The following XCR1 variants were observed in gnomAD, a reference collection of about 807,000 sequenced individuals.
XCR1 encodes chemokine XC receptor 1.
For missense variants in XCR1, 356 were observed against 424.2 expected (o/e 0.84, Z 1.41); for synonymous variants, 187 against 188.5 (o/e 0.99, Z 0.06).
intron 1 of XCR1, among the ~76,000 whole-genome samples, chr3:46,081,714 T>C (rs1698368381): frequency 6.6e-6 from 1 of 151,314 alleles, no homozygotes; most frequent in South Asian, 2.1e-4. Context: ...TTTAAAAATC[T>C]TATTCTAGAT....
At chr3:46,059,570 G>T (rs1697922698) in intron 4 of XCR1, among the ~76,000 whole-genome samples, 1 of 152,010 alleles carries the variant, frequency 6.6e-6, no homozygotes, top group South Asian at 2.1e-4. Flanking sequence ...TAATTTCAGT[G>T]ACAATGATGT....
chr3:46,070,409 T>C (rs1270889062), intron 3 of XCR1, among the ~76,000 whole-genome samples: 1 of 152,106 alleles, frequency 6.6e-6, no homozygotes, highest in Non-Finnish European at 1.5e-5. Context: ...TATTGTGTTA[T>C]TGTCCATCTC....
At chr3:46,049,840 G>C (rs186575548) in intron 5 of XCR1, among the ~76,000 whole-genome samples, 1 of 152,216 alleles carries the variant, frequency 6.6e-6, no homozygotes, top group African/African-American at 2.4e-5. Flanking sequence ...CTGAAGGGTA[G>C]TGGTTATCTA....
chr3:46,080,079 A>C (rs914360393), intron 1 of XCR1, among the ~76,000 whole-genome samples: 2 of 151,060 alleles, frequency 1.3e-5, no homozygotes. Flanking sequence ...TAAAAAAAAA[A>C]CCTTTTAACA....
upstream of XCR1, among the ~76,000 whole-genome samples, chr3:46,028,861 A>C (rs57437758): frequency 0.2 from 30,316 of 151,990 alleles, 4,425 homozygotes; most frequent in African/African-American, 0.4. Context: ...CAAAGCTCTG[A>C]GATTATAGAC....
rs554036486 is a variant in XCR1, at chr3:46,045,234, G to C, written c.-32+8686C>G. ...AGGAGTTCAATACCAGCCTGGCCCA[G>C]ATGGTGAAACCTCGTCTCTACCAAA... is the stretch of plus-strand genomic sequence containing the variant. On this transcript the variant is annotated intron_variant, in intron 5 of 5. Transcript: ENST00000683768. Among the ~76,000 whole-genome samples the C allele has an allele frequency of 1.5e-4, 23 of 152,084 alleles. No homozygotes were observed. The South Asian group carries it at 4.8e-3, about 32-fold the overall frequency.
Position 46,021,517 on chromosome 3 carries a change from C to T in XCR1, c.431G>A (p.Arg144His), listed in dbSNP as rs181024730. 47 of 1,612,384 alleles carry T rather than the reference C, an allele frequency of 2.9e-5. No homozygotes were observed. The East Asian group carries it at 7.8e-4, about 27-fold the overall frequency. Residue 144 changes from arginine to histidine, a missense_variant, in exon 2 of 2, where the codon CGC (arginine) becomes CAC (histidine). Transcript: ENST00000309285. The surrounding 1 kb of genome is among the most constrained non-coding windows in gnomAD (Gnocchi z 4.7). ...AGCCATGGTCACCAGCACCCGGCAGCGGAGGGTGGGGACGCGCAGGGTGGA... is the reference window on the plus strand; with the variant it reads ...AGCCATGGTCACCAGCACCCGGCAGTGGAGGGTGGGGACGCGCAGGGTGGA... ...PLSTLRVPTL[R>H]CRVLVTMAVW...
rs35124592 is a variant in XCR1 at position 46,074,214 on chromosome 3, C to CTTTTTTTTTTTTTTTTTTTTTTTTT, written c.-263+412_-263+436dup. ...CAACACGAATGGAACTGAAGGCCAT[C>CTTTTTTTTTTTTTTTTTTTTTTTTT]TTTTTTTTTTTTTTTTTTTTTTTTT... On this transcript the variant is annotated intron_variant, in intron 3 of 5. Coordinates refer to the XCR1 transcript ENST00000683768. Among the ~76,000 whole-genome samples the CTTTTTTTTTTTTTTTTTTTTTTTTT allele has an allele frequency of 5.8e-5, 5 of 86,636 alleles. 1 individual carries two copies. Among genetic ancestry groups the CTTTTTTTTTTTTTTTTTTTTTTTTT allele is most frequent in the African/African-American group, 8.6e-5 (2 of 23,208 alleles). 56.8% of individuals were successfully genotyped at this position (86,636 alleles called of 152,430 possible).
intron 1 of XCR1, 180 bp from the exon 2 acceptor site, chr3:46,022,158 G>A (rs970378205): frequency 5.4e-6 from 3 of 553,320 alleles, no homozygotes; most frequent in African/African-American, 1.9e-5. Flanking sequence ...AAAATTACCC[G>A]GGTGTGGTGG....
chr3:46,073,596 A>G (rs534939314), intron 3 of XCR1, among the ~76,000 whole-genome samples: 1 of 150,346 alleles, frequency 6.7e-6, no homozygotes, highest in African/African-American at 2.5e-5. Context: ...AACAAAAAAC[A>G]AAAAACAAAA....
chr3:46,076,839 G>C (rs943783005), exon 2 of XCR1, among the ~76,000 whole-genome samples: 16 of 152,120 alleles, frequency 1.1e-4, no homozygotes, highest in African/African-American at 3.4e-4. Flanking sequence ...CACTTCTGAG[G>C]AAAGAATACT....
At chr3:46,039,902 C>T (rs150587139) in intron 5 of XCR1, among the ~76,000 whole-genome samples, 1,915 of 152,198 alleles carry the variant, frequency 0.013, 48 homozygotes, top group African/African-American at 0.042. Context: ...TTTCTAGGAG[C>T]ATTGATCTGT....
chr3:46,060,882 C>A (rs1697949407), intron 4 of XCR1, among the ~76,000 whole-genome samples: 1 of 152,186 alleles, frequency 6.6e-6, no homozygotes, highest in African/African-American at 2.4e-5. Context: ...ACTATTCTAT[C>A]AAGCCTGCTG....
At position 46,066,535 on chromosome 3, in the gene XCR1, G is replaced by T. The variant is rs533312759; in HGVS notation, c.-183+364C>A. Among the ~76,000 whole-genome samples, 54 of 152,262 alleles carry T rather than the reference G, an allele frequency of 3.5e-4. 1 individual carries two copies. Among genetic ancestry groups the T allele is most frequent in the Non-Finnish European group, 5.9e-5 (4 of 68,016 alleles). ...TGCAATTATAGGCGTCGGCCATCCC[G>T]CCCAGCCACAGCCATCATTTCTTAG... On this transcript the variant is annotated intron_variant, in intron 4 of 5. Coordinates refer to the XCR1 transcript ENST00000683768.
chr3:46,076,804 C>T (rs1698269278), exon 2 of XCR1, among the ~76,000 whole-genome samples: 1 of 152,152 alleles, frequency 6.6e-6, no homozygotes, highest in Non-Finnish European at 1.5e-5. Context: ...CTGTGGGCCA[C>T]TGCCCTCTAT....
At chr3:46,050,072 G>A (rs1697710967) in intron 5 of XCR1, among the ~76,000 whole-genome samples, 1 of 152,218 alleles carries the variant, frequency 6.6e-6, no homozygotes, top group Non-Finnish European at 1.5e-5. Flanking sequence ...TTCTATTACT[G>A]TTACAGACTT....
chr3:46,034,768 T>C (rs1697390114), intron 5 of XCR1, among the ~76,000 whole-genome samples: 3 of 152,124 alleles, frequency 2.0e-5, no homozygotes, highest in Non-Finnish European at 1.5e-5. Context: ...GCTTTTTTGA[T>C]GAAAAAAGCT....
intron 4 of XCR1, among the ~76,000 whole-genome samples, chr3:46,066,435 G>A (rs1698077185): frequency 6.6e-6 from 1 of 152,122 alleles, no homozygotes; most frequent in Admixed American, 6.6e-5. Context: ...AGTAGAGACG[G>A]GGTTTCACCA....
chr3:46,021,127 T>C lies in XCR1; in HGVS notation c.821A>G (p.Asn274Ser). 6.2e-7 allele frequency: 1 copy of C among 1,614,160 alleles called. No homozygotes were observed. The highest frequency in any genetic ancestry group is 1.7e-5 in the Admixed American group (1 of 60,028). Residue 274 changes from asparagine (N) to serine (S), a missense_variant, in exon 2 of 2, where the codon AAC becomes AGC. Transcript: ENST00000309285. The surrounding 1 kb of genome is among the most constrained non-coding windows in gnomAD (Gnocchi z 4.7). ...QLEYALLICR[N>S]LAFSHCCFNP... ...AAAGCAGCAGTGGGAGAAGGCGAGG[T>C]TGCGGCAGATGAGCAGGGCGTATTC...
Sources: gnomAD v4.1 joint callset for allele counts (sites outside exome capture counted in the v4.1 genomes callset) on GRCh38, gnomAD v4.1.1 for gene constraint, Gnocchi (gnomAD v3.1) non-coding constraint, MANE v1.5 for transcripts, NCBI Gene and HGNC (gene_info 2026-07-23, HGNC 2026-07-21) for gene names.